The following ALG9 variants were observed in gnomAD, a reference collection of about 807,000 sequenced individuals.
ALG9 encodes the protein ALG9 alpha-1,2-mannosyltransferase, also known as alpha-1,2-mannosyltransferase ALG9.
Under a neutral mutation model 81.8 loss-of-function variants are expected in ALG9, and 55 were observed. The observed-to-expected ratio is 0.67, with a 90% CI of 0.54 to 0.84. ALG9 has a LOEUF of 0.84. Ranked by LOEUF, ALG9 falls within the 40% of genes least tolerant of loss-of-function variation. The probability of loss-of-function intolerance (pLI) is 0.00; values close to 1 mark genes in which losing one functional copy is unlikely to be tolerated. For synonymous variants in ALG9, 278 were observed against 274.3 expected (o/e 1.01, Z -0.13); for missense variants, 629 against 745.0 (o/e 0.84, Z 1.81).
At position 111,836,196 on chromosome 11, in the gene ALG9, T is replaced by C. The variant is rs1955231166; in HGVS notation, c.1571A>G (p.Asn524Ser). 1.2e-6 allele frequency: 2 copies of C among 1,613,912 alleles called. No individual in the cohort carries two copies. Among genetic ancestry groups the C allele is most frequent in the Admixed American group, 3.3e-5 (2 of 59,994 alleles). The change falls in exon 13 of 15, where the codon AAT (asparagine) becomes AGT (serine). Residue 524 changes from asparagine (N) to serine (S), a missense_variant. Asn to Ser is a conservative substitution (Grantham distance 46, BLOSUM62 1). Transcript: ENST00000616540. ...LATRIVPTDMNDQNLEEPSRY... is the reference protein window; with the variant it reads ...LATRIVPTDMSDQNLEEPSRY... ...GGATGGCTCTTCTAGATTCTGGTCA[T>C]TCATGTCAGTAGGAACAATCCGGGT... is the stretch of plus-strand genomic sequence containing the variant.
chr11:111,771,584 G>T, the ALG9 span, among the ~76,000 whole-genome samples: 1 of 152,174 alleles, frequency 6.6e-6, no homozygotes, highest in African/African-American at 2.4e-5. Flanking sequence ...TAGGAGACCT[G>T]TAAGTGTCTC....
In ALG9 at chr11:111,838,229, G is replaced by C. The variant is rs549075723; in HGVS notation, c.1324+20C>G. 19 of 1,613,546 alleles carry C rather than the reference G, an allele frequency of 1.2e-5. No individual in the cohort carries two copies. The highest frequency in any genetic ancestry group is 1.5e-5 in the Non-Finnish European group (18 of 1,179,660). On this transcript the variant is annotated intron_variant, in intron 11 of 14. Coordinates refer to ENST00000616540, the MANE Select transcript of ALG9 (RefSeq NM_024740.2). ...CAAGTGACTCGTCAGTGTAGGTTAA[G>C]ATATTCTTAGAAGATCTACCTCTGA...
At chr11:111,814,280 G>T (rs1241451609) in intron 13 of ALG9, among the ~76,000 whole-genome samples, 3 of 152,116 alleles carry the variant, frequency 2.0e-5, no homozygotes, top group Non-Finnish European at 2.9e-5. Context: ...GTGTGATTCA[G>T]GCAAAATGAA....
At chr11:111,799,831 T>C (rs2136303528) in intron 14 of ALG9, among the ~76,000 whole-genome samples, 1 of 152,274 alleles carries the variant, frequency 6.6e-6, no homozygotes, top group East Asian at 1.9e-4. Flanking sequence ...AAGAGGTAAA[T>C]AGAACTTTTT....
At chr11:111,828,140 G>A (rs550151347) in intron 13 of ALG9, among the ~76,000 whole-genome samples, 2 of 152,258 alleles carry the variant, frequency 1.3e-5, no homozygotes, top group Non-Finnish European at 2.9e-5. Context: ...GTTGCAGTGA[G>A]CCAAGATTGC....
intron 8 of ALG9, chr11:111,845,231 G>C (rs1404202454): frequency 2.3e-5 from 4 of 171,776 alleles, no homozygotes; most frequent in African/African-American, 9.6e-5. Flanking sequence ...TTGAGCCCAG[G>C]AGGTTAAGGC....
intron 14 of ALG9, 127 bp downstream of exon 14, chr11:111,809,516 T>TTACA: frequency 2.7e-6 from 2 of 753,800 alleles, no homozygotes; most frequent in Admixed American, 2.9e-5. Flanking sequence ...TGAGACTCCA[T>TTACA]TACACACACA....
intron 13 of ALG9, among the ~76,000 whole-genome samples, chr11:111,834,166 G>A (rs1954838994): frequency 6.6e-6 from 1 of 152,244 alleles, no homozygotes; most frequent in South Asian, 2.1e-4. Flanking sequence ...TAAATGAACT[G>A]CACAGATAAA....
chr11:111,825,281 T>C (rs1312380936), intron 13 of ALG9, among the ~76,000 whole-genome samples: 1 of 152,222 alleles, frequency 6.6e-6, no homozygotes, highest in Non-Finnish European at 1.5e-5. Flanking sequence ...ATAATCCCTA[T>C]GCCAGGCATT....
At chr11:111,837,344 G>T (rs1955478057) in intron 12 of ALG9, 124 bp downstream of exon 12, 2 of 1,142,422 alleles carry the variant, frequency 1.8e-6, no homozygotes, top group African/African-American at 1.5e-5. Context: ...GCTCTCCGAC[G>T]TGGTAGATAA....
chr11:111,792,209 T>G (rs771219757), intron 14 of ALG9, among the ~76,000 whole-genome samples: 1 of 152,220 alleles, frequency 6.6e-6, no homozygotes, highest in African/African-American at 2.4e-5. Context: ...ACAATTTGTA[T>G]TATTTATTTG....
intron 5 of ALG9, 59 bp downstream of exon 5, chr11:111,860,488 T>A: frequency 7.2e-7 from 1 of 1,387,162 alleles, no homozygotes; most frequent in Non-Finnish European, 1.0e-6. Flanking sequence ...AATTCCCTCA[T>A]CTGCCCTTTT....
chr11:111,787,419 C>T (rs141858227), intron 14 of ALG9, among the ~76,000 whole-genome samples: 243 of 152,036 alleles, frequency 1.6e-3, no homozygotes, highest in African/African-American at 5.6e-3. Context: ...GGTGACAGAG[C>T]GAGACCCTAT....
At chr11:111,803,197 T>C (rs782688124) in intron 14 of ALG9, among the ~76,000 whole-genome samples, 16 of 152,046 alleles carry the variant, frequency 1.1e-4, no homozygotes, top group Non-Finnish European at 4.4e-5. Context: ...ATCCACAAAA[T>C]AATATTGAAG....
At chr11:111,769,753 G>A in the ALG9 span, among the ~76,000 whole-genome samples, 1 of 152,138 alleles carries the variant, frequency 6.6e-6, no homozygotes, top group African/African-American at 2.4e-5. Context: ...ACAAAAACTG[G>A]CACCTTGATG....
Position 111,840,812 on chromosome 11 carries a change from G to A in ALG9, c.1019-3C>T. 6.2e-7 allele frequency: 1 copy of A among 1,613,950 alleles called. No homozygotes were observed. Among genetic ancestry groups the A allele is most frequent in the Non-Finnish European group, 8.5e-7 (1 of 1,179,880 alleles). Reference sequence around the variant, plus strand: ...ATACGGGTGGCCTAAATTCTGAACTGCAAGACACAGAAAAATACCCATCTT... The same window carrying A: ...ATACGGGTGGCCTAAATTCTGAACTACAAGACACAGAAAAATACCCATCTT... On this transcript the variant is annotated splice_region_variant and splice_polypyrimidine_tract_variant and intron_variant, in intron 9 of 14. Coordinates refer to ENST00000616540, the MANE Select transcript of ALG9 (RefSeq NM_024740.2).
At chr11:111,840,111 TA>T (rs1271486261) in intron 10 of ALG9, among the ~76,000 whole-genome samples, 5 of 152,184 alleles carry the variant, frequency 3.3e-5, no homozygotes, top group African/African-American at 1.2e-4. Flanking sequence ...AAAAACCTGT[TA>T]AGAAAAAAAC....
chr11:111,840,034 T>C (rs1327889746), intron 10 of ALG9, among the ~76,000 whole-genome samples: 2 of 152,198 alleles, frequency 1.3e-5, no homozygotes, highest in South Asian at 2.1e-4. Flanking sequence ...CATCTGTGAA[T>C]AGACTAAAAA....
chr11:111,779,589 G>A (rs986170788), downstream of ALG9, among the ~76,000 whole-genome samples: 3 of 151,658 alleles, frequency 2.0e-5, no homozygotes, highest in Non-Finnish European at 4.4e-5. Flanking sequence ...GGACTCAAAC[G>A]ATCCTCCCAC....
Sources: allele counts gnomAD v4.1 joint callset (sites outside exome capture counted in the v4.1 genomes callset), GRCh38; gene constraint gnomAD v4.1.1; transcripts MANE v1.5; gene names NCBI Gene and HGNC (gene_info 2026-07-23, HGNC 2026-07-21).